ZNF606: variants seen among roughly 807,000 people sequenced by gnomAD.
ZNF606 encodes zinc finger protein 606, also known as zinc finger protein 328.
ZNF606 carries 37 observed loss-of-function variants against 74.9 expected under a neutral mutation model. The ratio of observed to expected loss-of-function variants is 0.49; its 90% confidence interval spans 0.38 to 0.65. ZNF606 has a LOEUF of 0.65. ZNF606 is among the 30% of genes least tolerant of loss of function. The probability of loss-of-function intolerance (pLI) is 0.00; values close to 1 mark genes in which losing one functional copy is unlikely to be tolerated. For missense variants in ZNF606, 852 were observed against 952.9 expected (o/e 0.89, Z 1.39); for synonymous variants, 328 against 312.4 (o/e 1.05, Z -0.53).
intron 4 of ZNF606, among the ~76,000 whole-genome samples, chr19:57,995,383 AAC>A (rs1401451161): frequency 6.6e-6 from 1 of 152,088 alleles, no homozygotes; most frequent in East Asian, 1.9e-4. Context: ...AGAAACTATG[AAC>A]ACAGAGGTGC....
chr19:57,998,427 G>A (rs1457450292), intron 4 of ZNF606: 1 of 152,106 alleles, frequency 6.6e-6, no homozygotes, highest in Middle Eastern at 3.2e-3. Context: ...CTCTTGAGAA[G>A]GCAAACATTA....
rs745358115 is a variant in ZNF606 at position 57,988,617 on chromosome 19, G to C, written c.282C>G (p.Thr94=). The change falls in exon 5 of 7, where the codon ACC becomes ACG. Residue 94 remains threonine (T), a synonymous_variant. Transcript: ENST00000551380. The part of the protein sequence containing the change: ...RTLYRDVMLE[T]YGHLLSVGNQ... ...TACCCACAGAGAGCAGGTGACCATA[G>C]GTCTCCAGCATCACATCACGGTACA... The C allele has an allele frequency of 1.2e-6, 2 of 1,614,052 alleles. No homozygotes were observed. Among genetic ancestry groups the C allele is most frequent in the Admixed American group, 1.7e-5 (1 of 59,998 alleles).
intron 6 of ZNF606, 24 bp downstream of exon 6, chr19:57,988,183 G>C (rs1373647003): frequency 1.3e-6 from 2 of 1,597,386 alleles, no homozygotes; most frequent in South Asian, 2.2e-5. Context: ...GAAGTTCCTT[G>C]TTCAGCCTGG....
Position 58,002,495 on chromosome 19 carries a change from A to G in ZNF606, c.-151T>C, listed in dbSNP as rs1403021953. The stretch of plus-strand genomic sequence containing the variant: ...TTTGTCCCGCGCCGAGGTCCGGCCC[A>G]GGAGTGCGCTTGGGAGCTCCCGGCG... On this transcript the variant is annotated 5_prime_UTR_variant, in exon 1 of 7. Coordinates refer to ENST00000551380, the MANE Select transcript of ZNF606 (RefSeq NM_001348022.3). 2.2e-6 allele frequency: 1 copy of G among 451,682 alleles called. No individual in the cohort carries two copies. The highest frequency in any genetic ancestry group is 1.6e-5 in the South Asian group (1 of 64,116). The allele number at this position is 451,682 out of a possible 1,614,324, so 28.0% of individuals were successfully genotyped here.
intron 6 of ZNF606, among the ~76,000 whole-genome samples, chr19:57,985,087 T>C (rs921805547): frequency 1.3e-5 from 2 of 151,912 alleles, no homozygotes; most frequent in African/African-American, 4.8e-5. Context: ...AGAGCGAGAC[T>C]CCATCTCAGA....
At chr19:57,992,415 A>T (rs988683628) in intron 4 of ZNF606, among the ~76,000 whole-genome samples, 10 of 152,324 alleles carry the variant, frequency 6.6e-5, no homozygotes, top group African/African-American at 2.4e-4. Flanking sequence ...CTCTAGTCCA[A>T]ATACTAGCTA....
upstream of ZNF606, chr19:58,003,321 A>G (rs776087764): frequency 6.6e-6 from 3 of 456,592 alleles, no homozygotes; most frequent in South Asian, 4.6e-5. Flanking sequence ...AGCATGGGTT[A>G]CCAGCGACGC....
chr19:58,002,963 C>G (rs373923821), upstream of ZNF606: 2 of 455,826 alleles, frequency 4.4e-6, no homozygotes, highest in African/African-American at 2.0e-5. Context: ...GCACCTGCGT[C>G]GAAGCCGGCG....
chr19:57,987,405 A>G (rs191552357), intron 6 of ZNF606, among the ~76,000 whole-genome samples: 28 of 152,248 alleles, frequency 1.8e-4, no homozygotes, highest in African/African-American at 6.5e-4. Flanking sequence ...CATAAAGCCC[A>G]GCTAAGTTTT....
intron 1 of ZNF606, chr19:58,002,185 C>T (rs1293248579): frequency 2.4e-5 from 11 of 456,698 alleles, no homozygotes; most frequent in Non-Finnish European, 4.0e-5. Flanking sequence ...TAAGGGAACC[C>T]GGAGCTGTTT....
chr19:57,988,113 A>G lies in ZNF606; in HGVS notation c.400+94T>C, dbSNP rs922416166. 3.2e-6 allele frequency: 3 copies of G among 929,038 alleles called. No individual in the cohort carries two copies. The African/African-American group carries it at 5.0e-5, about 15-fold the overall frequency. 57.5% of individuals were successfully genotyped at this position (929,038 alleles called of 1,614,324 possible). On this transcript the variant is annotated intron_variant, in intron 6 of 6. Transcript: ENST00000551380. ...GCTCCTTAGAGGGAATTCTAAATGCATCTGAGGAAGGTAACTCTTCATGGC... is the reference window on the plus strand; with the variant it reads ...GCTCCTTAGAGGGAATTCTAAATGCGTCTGAGGAAGGTAACTCTTCATGGC...
In ZNF606 at chr19:57,979,597, T is replaced by C; in HGVS notation, c.1083A>G (p.Glu361=). The change falls in exon 7 of 7, where the codon GAA becomes GAG. Residue 361 remains glutamate (E), a synonymous_variant. Coordinates refer to ENST00000551380, the MANE Select transcript of ZNF606 (RefSeq NM_001348022.3). The part of the protein sequence containing the change: ...ENIFYFSSFM[E]HQKIGTVEKA... Reference sequence around the variant, plus strand: ...TCTCTACAGTACCAATTTTTTGATGTTCCATAAAGGATGAGAAATAAAAGA... The same window carrying C: ...TCTCTACAGTACCAATTTTTTGATGCTCCATAAAGGATGAGAAATAAAAGA... 2 of 1,612,954 alleles carry C rather than the reference T, an allele frequency of 1.2e-6. No individual in the cohort carries two copies. The highest frequency in any genetic ancestry group is 2.2e-5 in the East Asian group (1 of 44,860).
Position 58,002,799 on chromosome 19 carries a change from G to T in ZNF606, c.-455C>A, listed in dbSNP as rs1413481269. On this transcript the variant is annotated 5_prime_UTR_variant, in exon 1 of 7. Transcript: ENST00000551380. ...CCTCACCTCAGCCGCGGACAATGGC[G>T]GCTGCTTCCCCGGCGTCGACCGGAG... 6.6e-6 allele frequency: 3 copies of T among 451,448 alleles called. No individual in the cohort carries two copies. Among genetic ancestry groups the T allele is most frequent in the Non-Finnish European group, 1.3e-5 (3 of 224,928 alleles). The allele number at this position is 451,448 out of a possible 1,614,324, so 28.0% of individuals were successfully genotyped here. A position where few individuals can be genotyped will look rare whatever the true frequency, so the allele number is the denominator to read the frequency against.
intron 4 of ZNF606, among the ~76,000 whole-genome samples, chr19:57,993,628 G>A (rs1388839878): frequency 6.6e-6 from 1 of 152,190 alleles, no homozygotes; most frequent in Admixed American, 6.5e-5. Flanking sequence ...GGGTAGTACT[G>A]CCAGCAGCCA....
chr19:58,002,906 T>C (rs1452077657), upstream of ZNF606: 3 of 445,132 alleles, frequency 6.7e-6, no homozygotes, highest in African/African-American at 2.0e-5. Context: ...GACAGGTTCC[T>C]GGGCCGCGCC....
At chr19:57,985,309 ACAAAG>A (rs1253933399) in intron 6 of ZNF606, among the ~76,000 whole-genome samples, 2 of 152,302 alleles carry the variant, frequency 1.3e-5, no homozygotes, top group East Asian at 3.9e-4. Context: ...AGTGAGCAGA[ACAAAG>A]CTGGAGCTTT....
intron 4 of ZNF606, among the ~76,000 whole-genome samples, chr19:57,997,070 T>C (rs562054167): frequency 6.6e-6 from 1 of 152,320 alleles, no homozygotes; most frequent in East Asian, 1.9e-4. Context: ...CTGTGGTAGA[T>C]TTCATTGCAG....
Position 58,001,328 on chromosome 19 carries a change from C to T in ZNF606, c.-9G>A. 6.2e-7 allele frequency: 1 copy of T among 1,614,126 alleles called. No homozygotes were observed. Among genetic ancestry groups the T allele is most frequent in the African/African-American group, 1.3e-5 (1 of 75,032 alleles). ...GGGTTGATGGCTGCCATCCCGAGGA[C>T]TGATTGACCAGGCACCTGCCCAGGA... is the stretch of plus-strand genomic sequence containing the variant. On this transcript the variant is annotated 5_prime_UTR_variant, in exon 2 of 7. Transcript: ENST00000551380.
intron 1 of ZNF606, 72 bp downstream of exon 1, chr19:58,002,324 G>C (rs1031637399): frequency 4.6e-5 from 21 of 456,614 alleles, no homozygotes; most frequent in Non-Finnish European, 7.9e-5. Context: ...CCTGCTTCCA[G>C]AGCTCCCGAC....
Sources: allele counts gnomAD v4.1 joint callset (sites outside exome capture counted in the v4.1 genomes callset), GRCh38; gene constraint gnomAD v4.1.1; transcripts MANE v1.5; gene names NCBI Gene and HGNC (gene_info 2026-07-23, HGNC 2026-07-21).